The following RNF123 variants were observed in gnomAD, a reference collection of about 807,000 sequenced individuals.
The protein encoded by RNF123 is ring finger protein 123.
RNF123 carries 86 observed loss-of-function variants against 168.5 expected under a neutral mutation model. That is an observed-to-expected ratio of 0.51 (90% CI 0.43 to 0.61). The LOEUF is 0.61. RNF123 is among the 20% of genes least tolerant of loss of function. The pLI is 0.00. For missense variants in RNF123, 1,419 were observed against 1,729.7 expected (o/e 0.82, Z 3.19); for synonymous variants, 666 against 689.1 (o/e 0.97, Z 0.52).
At chr3:49,702,044 C>T (rs1415732057) in intron 17 of RNF123, 39 bp from the exon 18 acceptor site, 4 of 1,606,172 alleles carry the variant, frequency 2.5e-6, no homozygotes, top group Non-Finnish European at 3.4e-6. Flanking sequence ...CCCCCCATCT[C>T]CTGGAGCCTG....
chr3:49,701,557 C>A lies in RNF123; in HGVS notation c.1344C>A (p.Gly448=), dbSNP rs763677254. ...GCCCCCTGCGTGTGGAGGAGGCCGG[C>A]CTGCAGGAGCTCATTCCCACCACCT... ...IKSPLRVEEA[G]LQELIPTTWW... The change falls in exon 16 of 39, where the codon GGC becomes GGA. Residue 448 remains glycine (G), a synonymous_variant. Coordinates refer to ENST00000327697, the MANE Select transcript of RNF123 (RefSeq NM_022064.5). The A allele has an allele frequency of 1.9e-6, 3 of 1,613,846 alleles. No homozygotes were observed. The highest frequency in any genetic ancestry group is 4.5e-5 in the East Asian group (2 of 44,884).
Position 49,713,742 on chromosome 3 carries a change from C to G in RNF123, c.2754C>G (p.Ile918Met), listed in dbSNP as rs1167477489. 3.1e-6 allele frequency: 5 copies of G among 1,600,846 alleles called. No individual in the cohort carries two copies. The highest frequency in any genetic ancestry group is 4.3e-6 in the Non-Finnish European group (5 of 1,174,028). Residue 918 changes from isoleucine to methionine, a missense_variant, in exon 29 of 39, where the codon ATC (isoleucine) becomes ATG (methionine). By Grantham distance (10) the Ile-to-Met change is conservative. This residue lies in a region of RNF123 where 538 missense variants were observed against 708.8 expected (regional missense o/e 0.76). Coordinates refer to ENST00000327697, the MANE Select transcript of RNF123 (RefSeq NM_022064.5). ...AGGCACGGTGTGTCCCCGCAGACAT[C>G]CGAGACTCACTGATGCAGGCCCTGG... The part of the protein sequence containing the change: ...FADARIVGTD[I>M]RDSLMQALAS...
chr3:49,700,378 G>A (rs751821990), intron 13 of RNF123, 26 bp downstream of exon 13: 3 of 1,613,400 alleles, frequency 1.9e-6, no homozygotes, highest in Non-Finnish European at 2.5e-6. Flanking sequence ...TCAGGCCTCA[G>A]GCCTGGCTGT....
At chr3:49,705,322 C>G (rs967557580) in intron 23 of RNF123, 140 bp downstream of exon 23, 3 of 1,232,284 alleles carry the variant, frequency 2.4e-6, no homozygotes, top group Non-Finnish European at 3.4e-6. Context: ...AGGAAGCACA[C>G]TCCGAGGGCA....
At chr3:49,692,811 T>G (rs1157826775) in intron 3 of RNF123, among the ~76,000 whole-genome samples, 3 of 152,252 alleles carry the variant, frequency 2.0e-5, no homozygotes, top group African/African-American at 7.2e-5. Flanking sequence ...GATCTCATTC[T>G]TTTTTATGGC....
At position 49,701,584 on chromosome 3, in the gene RNF123, G is replaced by T. The variant is rs767828457; in HGVS notation, c.1371G>T (p.Trp457Cys). 1 of 1,613,718 alleles carries T rather than the reference G, an allele frequency of 6.2e-7. No homozygotes were observed. The highest frequency in any genetic ancestry group is 1.1e-5 in the South Asian group (1 of 91,086). ...TGCAGGAGCTCATTCCCACCACCTG[G>T]TGGCCCCACTGCTCCAGTAGGGAGG... ...AGLQELIPTT[W>C]WPHCSSREGK... Residue 457 changes from tryptophan (W) to cysteine (C), a missense_variant, in exon 16 of 39, where the codon TGG (tryptophan) becomes TGT (cysteine). Physicochemically the swap from Trp to Cys is radical, Grantham distance 215 (BLOSUM62 -2). Transcript: ENST00000327697.
At position 49,702,087 on chromosome 3, in the gene RNF123, G is replaced by A. The variant is rs750672185; in HGVS notation, c.1500G>A (p.Val500=). The change falls in exon 18 of 39, where the codon GTG becomes GTA. Residue 500 remains valine (V), a synonymous_variant. Coordinates refer to ENST00000327697, the MANE Select transcript of RNF123 (RefSeq NM_022064.5). ...CQRLRKRIEV[V]EELQVQILKL... Reference sequence around the variant, plus strand: ...TGTTCCTCACCTGACCTCCAGTGGTGGAAGAACTACAGGTCCAGATCCTGA... The same window carrying A: ...TGTTCCTCACCTGACCTCCAGTGGTAGAAGAACTACAGGTCCAGATCCTGA... 1.4e-5 allele frequency: 23 copies of A among 1,613,826 alleles called. No individual in the cohort carries two copies. The highest frequency in any genetic ancestry group is 1.9e-5 in the Non-Finnish European group (22 of 1,179,908).
At chr3:49,710,428 C>T (rs529848791) in intron 26 of RNF123, among the ~76,000 whole-genome samples, 45 of 152,014 alleles carry the variant, frequency 3.0e-4, no homozygotes, top group Non-Finnish European at 5.0e-4. Flanking sequence ...TATAGGCATA[C>T]GCCACCACGC....
At chr3:49,719,170 G>A in intron 35 of RNF123, 2 of 1,613,526 alleles carry the variant, frequency 1.2e-6, no homozygotes, top group Non-Finnish European at 1.7e-6. Context: ...GCGACCCAGC[G>A]CATCTAGTTC....
At chr3:49,693,347 CTTTTTTTTT>C (rs35938648) in intron 3 of RNF123, among the ~76,000 whole-genome samples, 1 of 34,158 alleles carries the variant, frequency 2.9e-5, no homozygotes, top group Non-Finnish European at 5.0e-5. Context: ...TGTGCCTGGC[CTTTTTTTTT>C]TTTTTTTTTT....
rs762689083 is a variant in RNF123, at chr3:49,713,598, C to A, written c.2749+11C>A. ...GCATTGTGGGCACTGGTGAGGGGCC[C>A]CTACAGAGGGTACAGGGGGAGGGGG... On this transcript the variant is annotated intron_variant, in intron 28 of 38. Transcript: ENST00000327697. 3.7e-5 allele frequency: 60 copies of A among 1,610,304 alleles called. No homozygotes were observed. Among genetic ancestry groups the A allele is most frequent in the Non-Finnish European group, 4.8e-5 (56 of 1,178,498 alleles).
Position 49,702,701 on chromosome 3 carries a change from C to T in RNF123, c.1698C>T (p.Arg566=), listed in dbSNP as rs1234254866. 6.2e-7 allele frequency: 1 copy of T among 1,614,240 alleles called. No homozygotes were observed. The highest frequency in any genetic ancestry group is 1.1e-5 in the South Asian group (1 of 91,090). The change falls in exon 20 of 39, where the codon CGC becomes CGT. Residue 566 remains arginine, a synonymous_variant. Transcript: ENST00000327697. ...TACACCGGCTGATCTCTGCCCTGCG[C>T]TACTATTGGGATGAATACAAGGCTT... ...CFLHRLISAL[R]YYWDEYKASN...
intron 14 of RNF123, 26 bp from the exon 15 acceptor site, chr3:49,700,610 C>A: frequency 2.5e-6 from 4 of 1,614,162 alleles, no homozygotes; most frequent in Non-Finnish European, 3.4e-6. Flanking sequence ...ACTCGCCTGT[C>A]CACTCTGAAC....
intron 15 of RNF123, 103 bp from the exon 16 acceptor site, chr3:49,701,388 A>G (rs2054380454): frequency 2.4e-6 from 2 of 846,472 alleles, no homozygotes; most frequent in South Asian, 2.9e-5. Context: ...TGGTGGTGGG[A>G]GAGCTGTGGT....
At chr3:49,716,053 C>T in intron 33 of RNF123, 43 bp downstream of exon 33, 1 of 1,613,522 alleles carries the variant, frequency 6.2e-7, no homozygotes, top group Non-Finnish European at 8.5e-7. Flanking sequence ...TGGGGATGCC[C>T]CATTGATGAC....
chr3:49,720,466 C>T (rs1289343515), intron 35 of RNF123, 45 bp from the exon 36 acceptor site: 1 of 1,505,346 alleles, frequency 6.6e-7, no homozygotes, highest in South Asian at 1.3e-5. Context: ...GACTTTTAGC[C>T]AGGCCCCAAG....
chr3:49,717,996 A>G, intron 35 of RNF123: 2 of 1,613,632 alleles, frequency 1.2e-6, no homozygotes. Context: ...TGGCGGACTC[A>G]GAGCCAGCCT....
chr3:49,713,794 C>A lies in RNF123; in HGVS notation c.2806C>A (p.Leu936Met). 1 of 1,612,456 alleles carries A rather than the reference C, an allele frequency of 6.2e-7. No homozygotes were observed. The part of the protein sequence containing the change: ...LASYVCYPHS[L>M]RAVERIPEEQ... ...CAGCTACGTGTGCTACCCACACTCC[C>A]TGCGGGCTGTGGAGCGAATCCCCGA... is the stretch of plus-strand genomic sequence containing the variant. Residue 936 changes from leucine to methionine, a missense_variant, in exon 29 of 39, where the codon CTG becomes ATG. Leu to Met is a conservative substitution (Grantham distance 15). Around this residue, in one of 5 missense-constraint regions of RNF123, gnomAD observed 538 missense variants for 708.8 expected, o/e 0.76. Transcript: ENST00000327697.
At chr3:49,718,230 A>ACGG in intron 35 of RNF123, 2 of 1,610,766 alleles carry the variant, frequency 1.2e-6, no homozygotes, top group Non-Finnish European at 1.7e-6. Context: ...AGCGGCAGGC[A>ACGG]CGGCGGCAGC....
Sources: allele counts gnomAD v4.1 joint callset (sites outside exome capture counted in the v4.1 genomes callset), GRCh38; gene constraint gnomAD v4.1.1; regional missense constraint gnomAD v4.1.1; transcripts MANE v1.5; gene names NCBI Gene and HGNC (gene_info 2026-07-23, HGNC 2026-07-21).